The following PCDHAC1 variants were observed in gnomAD, a reference collection of about 807,000 sequenced individuals.
The protein encoded by PCDHAC1 is protocadherin alpha subfamily C, 1, also known as protocadherin alpha-C1.
A neutral mutation model predicts 60.0 loss-of-function variants in PCDHAC1; 42 were observed. The observed-to-expected ratio is 0.70, with a 90% CI of 0.55 to 0.90. PCDHAC1 has a LOEUF of 0.90. Ranked by LOEUF, PCDHAC1 falls within the 40% of genes least tolerant of loss-of-function variation. PCDHAC1 has a pLI of 0.00. For synonymous variants in PCDHAC1, 468 were observed against 499.3 expected, an observed-to-expected ratio of 0.94 and a Z score of 0.84; for missense variants, 1,160 against 1,222.3, an observed-to-expected ratio of 0.95 and a Z score of 0.76.
chr5:140,926,629 G>A lies in PCDHAC1; in HGVS notation c.-264G>A. 2.5e-6 allele frequency: 1 copy of A among 406,364 alleles called. No individual in the cohort carries two copies. Among genetic ancestry groups the A allele is most frequent in the African/African-American group, 2.1e-5 (1 of 47,966 alleles). The allele number at this position is 406,364 out of a possible 1,614,324, so 25.2% of individuals were successfully genotyped here. A position where few individuals can be genotyped will look rare whatever the true frequency, so the allele number is the denominator to read the frequency against. ...TCTCTGCACCCCTAGGCGGCGCTGC[G>A]CTCCTCAACACCCGGCCGGCTCCGC... On this transcript the variant is annotated 5_prime_UTR_variant, in exon 1 of 4. Transcript: ENST00000253807.
At chr5:141,005,184 A>G (rs964423938) in intron 3 of PCDHAC1, among the ~76,000 whole-genome samples, 27 of 152,196 alleles carry the variant, frequency 1.8e-4, no homozygotes, top group Non-Finnish European at 3.7e-4. Flanking sequence ...CACTTCTCAC[A>G]TCAGTCCTTT....
In PCDHAC1 at chr5:140,928,569, G is replaced by A. The variant is rs2085338493; in HGVS notation, c.1677G>A (p.Leu559=). The A allele has an allele frequency of 1.2e-6, 2 of 1,614,202 alleles. No homozygotes were observed. Among genetic ancestry groups the A allele is most frequent in the Non-Finnish European group, 1.7e-6 (2 of 1,180,034 alleles). Residue 559 remains leucine (L), a synonymous_variant, in exon 1 of 4, where the codon TTG becomes TTA. Transcript: ENST00000253807. ...ATTATCCGGTTATCTTGTTTCCCTT[G>A]CCCAGAAATGGTTCTGTCCCAGTGG... The part of the protein sequence containing the change: ...NDNYPVILFP[L]PRNGSVPVEI...
chr5:140,955,832 G>A (rs2095230258), intron 1 of PCDHAC1, among the ~76,000 whole-genome samples: 1 of 152,132 alleles, frequency 6.6e-6, no homozygotes, highest in South Asian at 2.1e-4. Flanking sequence ...TTGAGCAGTG[G>A]TTTGTCATTC....
chr5:140,936,091 C>T (rs782416143), intron 1 of PCDHAC1, among the ~76,000 whole-genome samples: 2 of 152,046 alleles, frequency 1.3e-5, no homozygotes, highest in Non-Finnish European at 2.9e-5. Flanking sequence ...CAGGGTTTCA[C>T]CATGTTGGCC....
chr5:140,997,018 A>AT (rs1162959481), intron 3 of PCDHAC1, among the ~76,000 whole-genome samples: 3 of 151,882 alleles, frequency 2.0e-5, no homozygotes, highest in Admixed American at 1.3e-4. Flanking sequence ...ATCCTCCAAT[A>AT]TTTTTTTGAA....
chr5:140,967,786 G>A, intron 1 of PCDHAC1: 1 of 1,614,216 alleles, frequency 6.2e-7, no homozygotes, highest in East Asian at 2.2e-5. Context: ...CGACTGACCG[G>A]GGTCCAGTGC....
rs1554205540 is a variant in PCDHAC1 at position 140,928,138 on chromosome 5, A to G, written c.1246A>G (p.Thr416Ala). ...GATCAGTGAATACCAAGTCCTGATC[A>G]CGGCCTCAGATAGTGGCTCACCCCC... ...EQISEYQVLI[T>A]ASDSGSPPLS... Residue 416 changes from threonine (T) to alanine (A), a missense_variant, in exon 1 of 4, where the codon ACG (threonine) becomes GCG (alanine). Thr to Ala is a moderately conservative substitution (Grantham distance 58). Transcript: ENST00000253807. 1.9e-6 allele frequency: 3 copies of G among 1,614,190 alleles called. No individual in the cohort carries two copies. The highest frequency in any genetic ancestry group is 1.1e-5 in the South Asian group (1 of 91,088).
At chr5:140,966,860 TTGC>T (rs148181752) in intron 1 of PCDHAC1, 30 of 1,577,282 alleles carry the variant, frequency 1.9e-5, no homozygotes, top group Middle Eastern at 1.7e-4. Context: ...CCTGCTGCTG[TTGC>T]TGCTGCTGCT....
intron 3 of PCDHAC1, among the ~76,000 whole-genome samples, chr5:140,998,381 G>A (rs932010146): frequency 4.6e-5 from 7 of 152,144 alleles, no homozygotes; most frequent in Non-Finnish European, 2.9e-5. Flanking sequence ...TCTCTAGAAA[G>A]TTTAATGCCA....
intron 3 of PCDHAC1, among the ~76,000 whole-genome samples, chr5:141,003,770 T>A (rs1365152633): frequency 6.6e-6 from 1 of 152,246 alleles, no homozygotes; most frequent in East Asian, 1.9e-4. Flanking sequence ...TCGTATTCTG[T>A]TAAATAAACT....
At chr5:141,007,677 T>C (rs2098339934) in intron 3 of PCDHAC1, among the ~76,000 whole-genome samples, 1 of 152,158 alleles carries the variant, frequency 6.6e-6, no homozygotes, top group South Asian at 2.1e-4. Flanking sequence ...AGACAAAAGT[T>C]ATCCTACTTC....
intron 1 of PCDHAC1, chr5:140,967,572 A>T (rs782502082): frequency 4.3e-6 from 7 of 1,613,544 alleles, no homozygotes; most frequent in Middle Eastern, 3.3e-4. Flanking sequence ...CTACGGGAGG[A>T]CTCACCCCCA....
In PCDHAC1 at chr5:140,967,905, C is replaced by G. The variant is rs782291807; in HGVS notation, c.2434-11044C>G. ...AGCCCAGTGCCTGAGAATGCTACAC[C>G]CAACACCATTGTGGCCGTTCTCAGT... is the stretch of plus-strand genomic sequence containing the variant. On this transcript the variant is annotated intron_variant, in intron 1 of 3. Transcript: ENST00000253807. 36 of 1,614,168 alleles carry G rather than the reference C, an allele frequency of 2.2e-5. No homozygotes were observed. Among genetic ancestry groups the G allele is most frequent in the Non-Finnish European group, 2.8e-5 (33 of 1,180,028 alleles).
intron 1 of PCDHAC1, among the ~76,000 whole-genome samples, chr5:140,957,259 T>A (rs1554222896): frequency 6.6e-6 from 1 of 152,182 alleles, no homozygotes; most frequent in Admixed American, 6.5e-5. Context: ...TTTAAATATG[T>A]AAGCACTAGT....
At chr5:141,001,451 A>T (rs2098018648) in intron 3 of PCDHAC1, among the ~76,000 whole-genome samples, 1 of 152,310 alleles carries the variant, frequency 6.6e-6, no homozygotes, top group African/African-American at 2.4e-5. Flanking sequence ...TTCCACTGTC[A>T]ATTGAAGGAC....
intron 1 of PCDHAC1, among the ~76,000 whole-genome samples, chr5:140,971,716 A>G (rs1554233565): frequency 1.3e-5 from 2 of 152,026 alleles, no homozygotes; most frequent in African/African-American, 4.8e-5. Context: ...ATATAGATAT[A>G]TGTATATCAT....
At chr5:141,003,095 T>C (rs1245011518) in intron 3 of PCDHAC1, among the ~76,000 whole-genome samples, 3 of 152,258 alleles carry the variant, frequency 2.0e-5, no homozygotes, top group African/African-American at 7.2e-5. Flanking sequence ...AGGCCTGGCA[T>C]TTGCTTCACA....
At position 140,928,757 on chromosome 5, in the gene PCDHAC1, G is replaced by T. The variant is rs372744198; in HGVS notation, c.1865G>T (p.Arg622Leu). 1 of 1,614,092 alleles carries T rather than the reference G, an allele frequency of 6.2e-7. No individual in the cohort carries two copies. The highest frequency in any genetic ancestry group is 1.3e-5 in the African/African-American group (1 of 75,004). Residue 622 changes from arginine to leucine, a missense_variant, in exon 1 of 4, where the codon CGC (arginine) becomes CTC (leucine). Arg to Leu is a moderately radical substitution (Grantham distance 102). This residue lies in a region of PCDHAC1 where 1,113 missense variants were observed against 1,163.7 expected (regional missense o/e 0.96). Transcript: ENST00000253807. ...SANIGELRTA[R>L]LVLPTDAVKQ... ...AATATAGGTGAGCTCCGTACTGCTC[G>T]CTTAGTTCTTCCCACTGATGCAGTT...
At position 140,928,315 on chromosome 5, in the gene PCDHAC1, G is replaced by A. The variant is rs535660713; in HGVS notation, c.1423G>A (p.Gly475Arg). The change falls in exon 1 of 4, where the codon GGG (glycine) becomes AGG (arginine). Residue 475 changes from glycine (G) to arginine (R), a missense_variant. Coordinates refer to ENST00000253807, the MANE Select transcript of PCDHAC1 (RefSeq NM_018898.5). The part of the protein sequence containing the change: ...GRVFAQDPDL[G>R]KNGLVSYELL... ...AGTGTTTGCCCAGGACCCCGACCTG[G>A]GGAAGAATGGCCTTGTCTCTTATGA... The A allele has an allele frequency of 1.3e-4, 210 of 1,614,054 alleles. No homozygotes were observed. Among genetic ancestry groups the A allele is most frequent in the Non-Finnish European group, 1.7e-4 (203 of 1,180,048 alleles).
Sources: gnomAD v4.1 joint callset for allele counts (sites outside exome capture counted in the v4.1 genomes callset) on GRCh38, gnomAD v4.1.1 for gene constraint, gnomAD v4.1.1 regional missense constraint, MANE v1.5 for transcripts, NCBI Gene and HGNC (gene_info 2026-07-23, HGNC 2026-07-21) for gene names.